ALOX5: variants seen among roughly 807,000 people sequenced by gnomAD.
ALOX5 encodes polyunsaturated fatty acid 5-lipoxygenase.
In ALOX5, 64 loss-of-function variants were observed where a neutral mutation model predicts 87.9. That is an observed-to-expected ratio of 0.73 (90% confidence interval 0.60 to 0.90). The LOEUF is 0.90. ALOX5 is among the 40% of genes least tolerant of loss of function. The probability of loss-of-function intolerance (pLI) is 0.00; values close to 1 mark genes in which losing one functional copy is unlikely to be tolerated. For synonymous variants in ALOX5, 388 were observed against 355.1 expected, an observed-to-expected ratio of 1.09 and a Z score of -1.04; for missense variants, 822 against 907.5, an observed-to-expected ratio of 0.91 and a Z score of 1.21.
Position 45,374,283 on chromosome 10 carries a change from C to A in ALOX5, c.4C>A (p.Pro2Thr). ...CGCTGCTCCCGCGGCCCGCGCCATG[C>A]CCTCCTACACGGTCACCGTGGCCAC... Reference protein sequence around the residue: MPSYTVTVATGS... With the variant: MTSYTVTVATGS... Residue 2 changes from proline (P) to threonine (T), a missense_variant, in exon 1 of 14, where the codon CCC becomes ACC. By Grantham distance (38) the Pro-to-Thr change is conservative. Coordinates refer to ENST00000374391, the MANE Select transcript of ALOX5 (RefSeq NM_000698.5). The A allele has an allele frequency of 1.3e-6, 2 of 1,486,142 alleles. No homozygotes were observed. The highest frequency in any genetic ancestry group is 1.8e-6 in the Non-Finnish European group (2 of 1,117,102). 92.1% of individuals were successfully genotyped at this position (1,486,142 alleles called of 1,614,324 possible). A position where few individuals can be genotyped will look rare whatever the true frequency, so the allele number is the denominator to read the frequency against.
chr10:45,393,763 G>A (rs1256682665), intron 2 of ALOX5, among the ~76,000 whole-genome samples: 1 of 152,288 alleles, frequency 6.6e-6, no homozygotes, highest in East Asian at 1.9e-4. Context: ...AAAGTCTCAG[G>A]ATACAAAATC....
At position 45,428,765 on chromosome 10, in the gene ALOX5, G is replaced by A; in HGVS notation, c.981+1G>A. 6.2e-7 allele frequency: 1 copy of A among 1,613,716 alleles called. No individual in the cohort carries two copies. Among genetic ancestry groups the A allele is most frequent in the Non-Finnish European group, 8.5e-7 (1 of 1,179,986 alleles). ...CAAGATTGTCCCCATTGCCATCCAG[G>A]TAGGCTGCTGGGGGGCACACCTTTC... On this transcript the variant is annotated splice_donor_variant, in intron 7 of 13. Transcript: ENST00000374391. LOFTEE classifies it high-confidence loss of function.
Position 45,443,550 on chromosome 10 carries a change from G to T in ALOX5, c.1573+13G>T. 1 of 1,607,742 alleles carries T rather than the reference G, an allele frequency of 6.2e-7. No individual in the cohort carries two copies. The highest frequency in any genetic ancestry group is 8.5e-7 in the Non-Finnish European group (1 of 1,176,056). Reference sequence around the variant, plus strand: ...CGCAAGTCCTCAGGTAGGGCCTCCGGGACGTCTCCGGACCCGGCTCCCCCG... The same window carrying T: ...CGCAAGTCCTCAGGTAGGGCCTCCGTGACGTCTCCGGACCCGGCTCCCCCG... On this transcript the variant is annotated intron_variant, in intron 11 of 13. Transcript: ENST00000374391.
At chr10:45,442,959 C>G (rs1291215148) in intron 9 of ALOX5, 79 bp from the exon 10 acceptor site, 4 of 1,487,828 alleles carry the variant, frequency 2.7e-6, no homozygotes, top group African/African-American at 1.4e-5. Flanking sequence ...CTCGCCTCCC[C>G]TGGCACATTT....
intron 7 of ALOX5, among the ~76,000 whole-genome samples, chr10:45,433,179 G>T (rs772400425): frequency 2.0e-5 from 3 of 152,272 alleles, no homozygotes; most frequent in African/African-American, 7.2e-5. Flanking sequence ...GGAGCCCCAT[G>T]CTCTGCTCAT....
chr10:45,395,914 GA>G lies in ALOX5; in HGVS notation c.412del (p.Thr138HisfsTer17). 2 of 1,614,218 alleles carry G rather than the reference GA, an allele frequency of 1.2e-6. No homozygotes were observed. Among genetic ancestry groups the G allele is most frequent in the Non-Finnish European group, 1.7e-6 (2 of 1,180,028 alleles). On this transcript the variant is annotated frameshift_variant, in exon 3 of 14. Coordinates refer to ENST00000374391, the MANE Select transcript of ALOX5 (RefSeq NM_000698.5). LOFTEE classifies it high-confidence loss of function. ...CAAGCAACACCGACGTAAAGAACTGGAAACACGGCAAAAACAATATCGGTGA... is the reference window on the plus strand; with the variant it reads ...CAAGCAACACCGACGTAAAGAACTGGAACACGGCAAAAACAATATCGGTGA... ...ILKQHRRKEL[E>X]TRQKQYRWME...
At chr10:45,424,500 CAA>C (rs1038677608) in intron 5 of ALOX5, among the ~76,000 whole-genome samples, 1 of 152,198 alleles carries the variant, frequency 6.6e-6, no homozygotes, top group African/African-American at 2.4e-5. Flanking sequence ...GGTATTTACA[CAA>C]AAGCAACTTT....
chr10:45,439,030 A>AT (rs1298753684), intron 7 of ALOX5, among the ~76,000 whole-genome samples: 3 of 152,208 alleles, frequency 2.0e-5, no homozygotes, highest in African/African-American at 7.2e-5. Context: ...TTCACACCTG[A>AT]TTTTTAAGAC....
At chr10:45,440,275 C>T (rs1842186634) in intron 7 of ALOX5, among the ~76,000 whole-genome samples, 155 bp from the exon 8 acceptor site, 2 of 152,180 alleles carry the variant, frequency 1.3e-5, no homozygotes, top group South Asian at 2.1e-4. Flanking sequence ...GAAATACCAC[C>T]GCAGGGCCCT....
chr10:45,424,865 A>T, intron 5 of ALOX5, 95 bp from the exon 6 acceptor site: 1 of 1,485,114 alleles, frequency 6.7e-7, no homozygotes, highest in Non-Finnish European at 9.2e-7. Flanking sequence ...GAGGAGACCA[A>T]GCAGGGACTC....
chr10:45,415,449 G>C (rs554585788), intron 4 of ALOX5, among the ~76,000 whole-genome samples: 3 of 152,248 alleles, frequency 2.0e-5, no homozygotes, highest in Non-Finnish European at 4.4e-5. Context: ...GTGGGGAGAG[G>C]GGGGAGGGAT....
chr10:45,407,438 C>T (rs7909514), intron 3 of ALOX5, among the ~76,000 whole-genome samples: 103,544 of 151,054 alleles, frequency 0.69, 36,044 homozygotes, highest in East Asian at 0.86. Context: ...AGAAAAATGA[C>T]GAGACAAGTC....
chr10:45,444,419 C>T, intron 13 of ALOX5, 133 bp downstream of exon 13: 29 of 1,275,652 alleles, frequency 2.3e-5, no homozygotes, highest in Non-Finnish European at 3.0e-5. Flanking sequence ...GCTGGAAGGG[C>T]CCAGAAGGCT....
chr10:45,440,718 C>T, intron 8 of ALOX5, 85 bp downstream of exon 8: 2 of 1,463,378 alleles, frequency 1.4e-6, no homozygotes, highest in East Asian at 2.4e-5. Context: ...ACAGGGGGAC[C>T]TGTGGCTGGG....
chr10:45,401,115 A>T (rs1466058179), intron 3 of ALOX5, among the ~76,000 whole-genome samples: 1 of 152,088 alleles, frequency 6.6e-6, no homozygotes, highest in Non-Finnish European at 1.5e-5. Flanking sequence ...CCCAGTCCAC[A>T]CTTGTCTGTT....
chr10:45,394,210 C>T (rs569347696), intron 2 of ALOX5, among the ~76,000 whole-genome samples: 146 of 152,310 alleles, frequency 9.6e-4, no homozygotes, highest in African/African-American at 3.3e-3. Context: ...AACTATACTA[C>T]AAGGCTACAG....
At chr10:45,406,701 G>T (rs1470856008) in intron 3 of ALOX5, among the ~76,000 whole-genome samples, 1 of 152,194 alleles carries the variant, frequency 6.6e-6, no homozygotes, top group Admixed American at 6.5e-5. Context: ...CATTTACTGT[G>T]TGTTGGTCCC....
chr10:45,437,603 C>T (rs1183166804), intron 7 of ALOX5, among the ~76,000 whole-genome samples: 2 of 152,194 alleles, frequency 1.3e-5, no homozygotes, highest in African/African-American at 2.4e-5. Flanking sequence ...TTGTGCTGGA[C>T]GTGCTCACAG....
chr10:45,419,332 G>T (rs1316584863), intron 4 of ALOX5, among the ~76,000 whole-genome samples: 1 of 152,244 alleles, frequency 6.6e-6, no homozygotes, highest in East Asian at 1.9e-4. Context: ...AGGGACGCTG[G>T]GCACGAAGGA....
Sources: allele counts gnomAD v4.1 joint callset (sites outside exome capture counted in the v4.1 genomes callset), GRCh38; gene constraint gnomAD v4.1.1; transcripts MANE v1.5; gene names NCBI Gene and HGNC (gene_info 2026-07-23, HGNC 2026-07-21).